Variants in TRPS1 observed in about 807,000 individuals in gnomAD.
TRPS1 encodes zinc finger transcription factor Trps1.
Under a neutral mutation model 101.2 loss-of-function variants are expected in TRPS1, and 6 were observed. The ratio of observed to expected loss-of-function variants is 0.06; its 90% CI spans 0.03 to 0.12. TRPS1 has a LOEUF of 0.12. Ranked by LOEUF, TRPS1 falls within the 10% of genes least tolerant of loss-of-function variation. The pLI, the probability that TRPS1 is intolerant of heterozygous loss-of-function variation, is 1.00. For missense variants in TRPS1, 1,363 were observed against 1,567.0 expected (o/e 0.87, Z 2.20); for synonymous variants, 578 against 589.8 (o/e 0.98, Z 0.29).
At chr8:115,480,200 A>C (rs1814716847) in intron 5 of TRPS1, among the ~76,000 whole-genome samples, 1 of 152,152 alleles carries the variant, frequency 6.6e-6, no homozygotes, top group South Asian at 2.1e-4. Context: ...TCAGAAATTC[A>C]CTTTACCTCT....
intron 5 of TRPS1, among the ~76,000 whole-genome samples, chr8:115,486,554 C>T (rs1034038497): frequency 2.8e-4 from 43 of 152,278 alleles, no homozygotes; most frequent in African/African-American, 9.6e-4. Flanking sequence ...ATTGTGAATG[C>T]AAAGGCAAAG....
chr8:115,554,156 AG>A (rs1245808995), intron 5 of TRPS1, among the ~76,000 whole-genome samples: 1 of 152,220 alleles, frequency 6.6e-6, no homozygotes, highest in East Asian at 1.9e-4. Flanking sequence ...GTTCCTCAAA[AG>A]CATTCTTAAT....
intron 1 of TRPS1, among the ~76,000 whole-genome samples, chr8:115,642,851 T>A (rs55780214): frequency 0.28 from 29,796 of 106,286 alleles, 4,678 homozygotes; most frequent in African/African-American, 0.53. Context: ...TGAAAAAAAA[T>A]ATATATATAT....
At position 115,603,928 on chromosome 8, in the gene TRPS1, A is replaced by G. The variant is rs371734425; in HGVS notation, c.2041T>C (p.Cys681Arg). ...TGGGTAATAAAATCACATTTGGTAC[A>G]TGAGTGTTCTTTGCTTTCCTTGACA... ...QSVKESKEHSCTKCDFITQVE... is the reference protein window; with the variant it reads ...QSVKESKEHSRTKCDFITQVE... The change falls in exon 4 of 7, where the codon TGT becomes CGT. Residue 681 changes from cysteine (C) to arginine (R), a missense_variant. By Grantham distance (180) the Cys-to-Arg change is radical. Coordinates refer to ENST00000395715, the MANE Select transcript of TRPS1 (RefSeq NM_014112.5). 9 of 1,613,882 alleles carry G rather than the reference A, an allele frequency of 5.6e-6. No individual in the cohort carries two copies. Among genetic ancestry groups the G allele is most frequent in the African/African-American group, 2.7e-5 (2 of 74,902 alleles).
chr8:115,619,765 G>T lies in TRPS1; in HGVS notation c.333C>A (p.Pro111=), dbSNP rs1458054142. ...YESPSKGGNF[P]SFPHDEVTDR... ...CTGTCACCTCATCATGCGGAAAGGA[G>T]GGAAAGTTTCCTCCCTTACTGGGGC... The change falls in exon 3 of 7, where the codon CCC becomes CCA. Residue 111 remains proline (P), a synonymous_variant. Coordinates refer to ENST00000395715, the MANE Select transcript of TRPS1 (RefSeq NM_014112.5). 6 of 1,614,084 alleles carry T rather than the reference G, an allele frequency of 3.7e-6. No individual in the cohort carries two copies. Among genetic ancestry groups the T allele is most frequent in the Non-Finnish European group, 5.1e-6 (6 of 1,180,046 alleles).
chr8:115,535,377 T>C (rs1166462365), intron 5 of TRPS1, among the ~76,000 whole-genome samples: 5 of 148,310 alleles, frequency 3.4e-5, no homozygotes, highest in African/African-American at 9.8e-5. Context: ...ATATAGCATA[T>C]ATATAGCACA....
At chr8:115,482,597 T>C (rs771253550) in intron 5 of TRPS1, among the ~76,000 whole-genome samples, 1 of 152,198 alleles carries the variant, frequency 6.6e-6, no homozygotes, top group Non-Finnish European at 1.5e-5. Context: ...ATAGGCCTTT[T>C]AGTGTTCCTT....
At chr8:115,575,362 T>C (rs1380233214) in intron 5 of TRPS1, among the ~76,000 whole-genome samples, 3 of 152,140 alleles carry the variant, frequency 2.0e-5, no homozygotes, top group Non-Finnish European at 4.4e-5. Context: ...TATTTAATAA[T>C]AAACATACAA....
intron 5 of TRPS1, among the ~76,000 whole-genome samples, chr8:115,538,649 T>C (rs1208124437): frequency 6.6e-6 from 1 of 152,122 alleles, no homozygotes; most frequent in Non-Finnish European, 1.5e-5. Context: ...CATTTTTCTG[T>C]GACCAATATT....
intron 1 of TRPS1, chr8:115,667,904 C>T (rs1477399678): frequency 6.5e-7 from 1 of 1,535,442 alleles, no homozygotes; most frequent in Non-Finnish European, 8.7e-7. Context: ...AGTCTGCGCC[C>T]CGCTTGTCAC....
chr8:115,578,331 T>C (rs1817367693), intron 5 of TRPS1, among the ~76,000 whole-genome samples: 1 of 152,168 alleles, frequency 6.6e-6, no homozygotes, highest in African/African-American at 2.4e-5. Context: ...TAGATAGCAG[T>C]GACTTGGACG....
intron 5 of TRPS1, among the ~76,000 whole-genome samples, chr8:115,501,888 T>C (rs2130149384): frequency 6.6e-6 from 1 of 152,252 alleles, no homozygotes; most frequent in Middle Eastern, 3.4e-3. Flanking sequence ...TCCTCATATC[T>C]GGACACTGGT....
chr8:115,586,328 C>T (rs1036063126), intron 5 of TRPS1, among the ~76,000 whole-genome samples: 3 of 152,138 alleles, frequency 2.0e-5, no homozygotes, highest in Non-Finnish European at 2.9e-5. Context: ...TCTTACCTTA[C>T]TCAGAGGTTT....
chr8:115,533,125 A>C (rs1816175433), intron 5 of TRPS1, among the ~76,000 whole-genome samples: 1 of 152,198 alleles, frequency 6.6e-6, no homozygotes, highest in Non-Finnish European at 1.5e-5. Context: ...TACTGGAGCA[A>C]CACTGAATGC....
At chr8:115,640,948 AGCAATTCAATT>A (rs1482300515) in intron 1 of TRPS1, among the ~76,000 whole-genome samples, 1 of 152,198 alleles carries the variant, frequency 6.6e-6, no homozygotes, top group African/African-American at 2.4e-5. Flanking sequence ...GCAGGTCGGA[AGCAATTCAATT>A]GCTTAAACCT....
chr8:115,414,847 C>T lies in TRPS1; in HGVS notation c.3061G>A (p.Gly1021Ser). The change falls in exon 7 of 7, where the codon GGT becomes AGT. Residue 1021 changes from glycine to serine, a missense_variant. Transcript: ENST00000395715. This position sits in a 1 kb window ranked among gnomAD's most constrained non-coding sequence, Gnocchi z 4.8. ...LPSLSKYEAQ[G>S]SLTKSHSAQQ... is the part of the protein sequence containing the mutation. ...GCAGAATGGCTTTTAGTCAATGAACCCTGGGCTTCGTATTTACTTAGGCTG... is the reference window on the plus strand; with the variant it reads ...GCAGAATGGCTTTTAGTCAATGAACTCTGGGCTTCGTATTTACTTAGGCTG... The T allele has an allele frequency of 1.9e-6, 3 of 1,613,906 alleles. No homozygotes were observed. Among genetic ancestry groups the T allele is most frequent in the Non-Finnish European group, 2.5e-6 (3 of 1,179,928 alleles).
chr8:115,500,363 C>T (rs1815286100), intron 5 of TRPS1, among the ~76,000 whole-genome samples: 1 of 151,830 alleles, frequency 6.6e-6, no homozygotes, highest in Non-Finnish European at 1.5e-5. Flanking sequence ...CAGGGTCATT[C>T]GTATGTCGTT....
At chr8:115,584,322 A>AC (rs1265944896) in intron 5 of TRPS1, among the ~76,000 whole-genome samples, 1 of 151,922 alleles carries the variant, frequency 6.6e-6, no homozygotes, top group Non-Finnish European at 1.5e-5. Flanking sequence ...TATTGAAAAA[A>AC]CTATTTAATT....
At chr8:115,550,175 T>C (rs568321750) in intron 5 of TRPS1, among the ~76,000 whole-genome samples, 140 of 152,316 alleles carry the variant, frequency 9.2e-4, no homozygotes, top group Non-Finnish European at 1.9e-3. Flanking sequence ...GATCTCACTA[T>C]TGTACTCCAG....
Sources: gnomAD v4.1 joint callset for allele counts (sites outside exome capture counted in the v4.1 genomes callset) on GRCh38, gnomAD v4.1.1 for gene constraint, Gnocchi (gnomAD v3.1) non-coding constraint, MANE v1.5 for transcripts, NCBI Gene and HGNC (gene_info 2026-07-23, HGNC 2026-07-21) for gene names.